The following LGR4 variants were observed in gnomAD, a reference collection of about 807,000 sequenced individuals.
LGR4 encodes the protein leucine rich repeat containing G protein-coupled receptor 4.
Under a neutral mutation model 84.8 loss-of-function variants are expected in LGR4, and 44 were observed. The ratio of observed to expected loss-of-function variants is 0.52; its 90% CI spans 0.41 to 0.67. The LOEUF (loss-of-function observed/expected upper bound fraction) is 0.67, where lower values mean the gene tolerates loss of function less well. LGR4 is among the 30% of genes least tolerant of loss of function. LGR4 has a pLI of 0.00. For synonymous variants in LGR4, 429 were observed against 434.3 expected (o/e 0.99, Z 0.15); for missense variants, 1,032 against 1,131.4 (o/e 0.91, Z 1.26).
intron 1 of LGR4, among the ~76,000 whole-genome samples, chr11:27,437,615 T>C (rs1040769440): frequency 2.0e-5 from 3 of 151,920 alleles, no homozygotes; most frequent in Non-Finnish European, 2.9e-5. Flanking sequence ...TGGTCCTATT[T>C]TTAAAGTCTT....
At chr11:27,385,516 T>C in intron 4 of LGR4, 48 bp from the exon 5 acceptor site, 1 of 1,268,764 alleles carries the variant, frequency 7.9e-7, no homozygotes, top group East Asian at 2.4e-5. Flanking sequence ...TCTAGTGAAA[T>C]GAGTCAGTTC....
At chr11:27,417,085 C>T (rs1863834075) in intron 1 of LGR4, among the ~76,000 whole-genome samples, 1 of 152,018 alleles carries the variant, frequency 6.6e-6, no homozygotes, top group Admixed American at 6.6e-5. Context: ...CGTGATTGAC[C>T]CAATGTTATC....
chr11:27,387,913 C>A (rs1157500957), intron 4 of LGR4, among the ~76,000 whole-genome samples: 2 of 152,066 alleles, frequency 1.3e-5, no homozygotes, highest in African/African-American at 4.8e-5. Context: ...AAATTCAGTA[C>A]TGTATACAAC....
intron 1 of LGR4, among the ~76,000 whole-genome samples, chr11:27,457,458 G>A (rs952736135): frequency 1.3e-5 from 2 of 152,146 alleles, no homozygotes; most frequent in Admixed American, 1.3e-4. Flanking sequence ...GCATAGAGGA[G>A]TTTAAAGAAC....
chr11:27,467,417 A>C (rs1864797758), intron 1 of LGR4, among the ~76,000 whole-genome samples: 1 of 151,850 alleles, frequency 6.6e-6, no homozygotes, highest in African/African-American at 2.4e-5. Context: ...GATACAAAAA[A>C]ATTAGCCAGG....
chr11:27,444,094 G>GAA (rs5790651), intron 1 of LGR4, among the ~76,000 whole-genome samples: 52 of 149,148 alleles, frequency 3.5e-4, no homozygotes, highest in Admixed American at 1.8e-3. Context: ...TGTATTTAAA[G>GAA]AAAAAAAAAA....
intron 7 of LGR4, 37 bp downstream of exon 7, chr11:27,382,151 G>A (rs1408218400): frequency 8.2e-6 from 11 of 1,339,554 alleles, no homozygotes; most frequent in Admixed American, 1.8e-5. Context: ...TGAGTTTCAG[G>A]GATATGAAGA....
chr11:27,403,143 C>G (rs1863535652), intron 2 of LGR4, among the ~76,000 whole-genome samples: 1 of 152,162 alleles, frequency 6.6e-6, no homozygotes, highest in South Asian at 2.1e-4. Flanking sequence ...CAATTAAAGA[C>G]AGTACATCCA....
chr11:27,387,016 T>C (rs950599296), intron 4 of LGR4, among the ~76,000 whole-genome samples: 1 of 152,086 alleles, frequency 6.6e-6, no homozygotes, highest in Non-Finnish European at 1.5e-5. Context: ...AGAACTGTGT[T>C]CAAACATGTG....
chr11:27,435,927 T>C (rs991430967), intron 1 of LGR4, among the ~76,000 whole-genome samples: 3 of 151,912 alleles, frequency 2.0e-5, no homozygotes, highest in African/African-American at 7.3e-5. Flanking sequence ...TTTTTTTTTT[T>C]TGAGACGGAG....
Position 27,472,430 on chromosome 11 carries a change from C to G in LGR4, c.-128G>C. On this transcript the variant is annotated 5_prime_UTR_variant, in exon 1 of 18. Transcript: ENST00000379214. ...CGGGGGTCTCTTCCTCGGCGGTCCG[C>G]GCGGGCTCGGCCCCTTCAGCAGTCC... 3.0e-6 allele frequency: 2 copies of G among 677,904 alleles called. No homozygotes were observed. The highest frequency in any genetic ancestry group is 4.1e-6 in the Non-Finnish European group (2 of 487,296). The allele number at this position is 677,904 out of a possible 1,614,324, so 42.0% of individuals were successfully genotyped here.
chr11:27,433,448 G>C (rs1292147221), intron 1 of LGR4, among the ~76,000 whole-genome samples: 1 of 149,470 alleles, frequency 6.7e-6, no homozygotes, highest in Non-Finnish European at 1.5e-5. Context: ...AGCCAGGATG[G>C]TCTCCATCTC....
intron 17 of LGR4, 78 bp from the exon 18 acceptor site, chr11:27,369,221 A>G: frequency 8.9e-7 from 1 of 1,121,868 alleles, no homozygotes; most frequent in Non-Finnish European, 1.2e-6. Context: ...GGCTTGATAG[A>G]AAAACTAATG....
chr11:27,424,929 G>A (rs916049349), intron 1 of LGR4, among the ~76,000 whole-genome samples: 7 of 152,070 alleles, frequency 4.6e-5, no homozygotes, highest in African/African-American at 1.7e-4. Context: ...TGTATTTGTA[G>A]TAGAGACGGG....
intron 17 of LGR4, among the ~76,000 whole-genome samples, chr11:27,370,040 T>C (rs1036586264): frequency 1.3e-5 from 2 of 152,210 alleles, no homozygotes; most frequent in African/African-American, 4.8e-5. Flanking sequence ...TTTGACATGC[T>C]AGTTATGACA....
chr11:27,439,711 T>C (rs1322116661), intron 1 of LGR4, among the ~76,000 whole-genome samples: 1 of 152,130 alleles, frequency 6.6e-6, no homozygotes, highest in African/African-American at 2.4e-5. Flanking sequence ...TACTCGGCAA[T>C]GCTCTCAATA....
intron 1 of LGR4, among the ~76,000 whole-genome samples, chr11:27,439,670 A>G (rs1864268747): frequency 6.6e-6 from 1 of 152,136 alleles, no homozygotes; most frequent in Non-Finnish European, 1.5e-5. Context: ...CACAGAAACT[A>G]TGTCATTTAA....
intron 1 of LGR4, 141 bp downstream of exon 1, chr11:27,471,977 G>A (rs1864881270): frequency 2.0e-6 from 1 of 496,480 alleles, no homozygotes; most frequent in Non-Finnish European, 3.1e-6. Flanking sequence ...CCCGCACGCA[G>A]GTGACCGGCG....
chr11:27,465,635 G>C (rs1864763773), intron 1 of LGR4, among the ~76,000 whole-genome samples: 1 of 152,202 alleles, frequency 6.6e-6, no homozygotes, highest in Admixed American at 6.5e-5. Flanking sequence ...TAACTTGTTA[G>C]TCTTCGGAAA....
Sources: gnomAD v4.1 joint callset for allele counts (sites outside exome capture counted in the v4.1 genomes callset) on GRCh38, gnomAD v4.1.1 for gene constraint, MANE v1.5 for transcripts, NCBI Gene and HGNC (gene_info 2026-07-23, HGNC 2026-07-21) for gene names.